The following SCYL2 variants were observed in gnomAD, a reference collection of about 807,000 sequenced individuals.
SCYL2 encodes the protein SCY1 like pseudokinase 2.
A neutral mutation model predicts 100.4 loss-of-function variants in SCYL2; 36 were observed. The observed-to-expected ratio is 0.36, with a 90% CI of 0.27 to 0.47. The LOEUF (loss-of-function observed/expected upper bound fraction) is 0.47. Ranked by LOEUF, SCYL2 falls within the 20% of genes least tolerant of loss-of-function variation. The probability of loss-of-function intolerance (pLI) is 1.00; values close to 1 mark genes in which losing one functional copy is unlikely to be tolerated. For synonymous variants in SCYL2, 330 were observed against 359.2 expected, an observed-to-expected ratio of 0.92 and a Z score of 0.92; for missense variants, 902 against 1,083.9, an observed-to-expected ratio of 0.83 and a Z score of 2.36.
At chr12:100,287,272 TTTGTTG>T (rs553036903) in intron 2 of SCYL2, among the ~76,000 whole-genome samples, 17 of 152,082 alleles carry the variant, frequency 1.1e-4, no homozygotes, top group African/African-American at 2.4e-4. Flanking sequence ...TTCTTTGGTT[TTTGTTG>T]TTGTTGTTGT....
intron 7 of SCYL2, 22 bp downstream of exon 7, chr12:100,313,560 C>A: frequency 7.6e-7 from 1 of 1,309,246 alleles, no homozygotes; most frequent in Non-Finnish European, 1.1e-6. Flanking sequence ...TGGATTTCTG[C>A]CTAAGATGGA....
chr12:100,337,431 A>G lies in SCYL2; in HGVS notation c.2070A>G (p.Gln690=). 1.2e-6 allele frequency: 2 copies of G among 1,607,814 alleles called. No individual in the cohort carries two copies. Among genetic ancestry groups the G allele is most frequent in the South Asian group, 1.1e-5 (1 of 89,262 alleles). ...AAAAACAAAAATTAGCAAAAGAACA[A>G]GAGCAGGCACAGAAGCTGAAAAGCC... ...LEEKQKLAKE[Q]EQAQKLKSQQ... is the part of the protein sequence containing the mutation. The change falls in exon 17 of 18, where the codon CAA becomes CAG. Residue 690 remains glutamine, a synonymous_variant. Transcript: ENST00000360820.
chr12:100,335,620 T>A lies in SCYL2; in HGVS notation c.1863-5T>A. 1 of 1,583,058 alleles carries A rather than the reference T, an allele frequency of 6.3e-7. No homozygotes were observed. The highest frequency in any genetic ancestry group is 8.6e-7 in the Non-Finnish European group (1 of 1,159,310). ...TTGTTTTATCATAATTCAACTCTCC[T>A]ACAGATCTTTGGATATAGGAAATCA... On this transcript the variant is annotated splice_region_variant and splice_polypyrimidine_tract_variant and intron_variant, in intron 14 of 17. Coordinates refer to ENST00000360820, the MANE Select transcript of SCYL2 (RefSeq NM_017988.6).
chr12:100,314,937 C>G (rs1592957123), intron 8 of SCYL2, among the ~76,000 whole-genome samples: 1 of 152,280 alleles, frequency 6.6e-6, no homozygotes, highest in Admixed American at 6.5e-5. Flanking sequence ...TTGATGTTAG[C>G]CTTTCCAATT....
intron 13 of SCYL2, among the ~76,000 whole-genome samples, chr12:100,332,480 C>T (rs554565367): frequency 1.3e-5 from 2 of 152,116 alleles, no homozygotes; most frequent in Non-Finnish European, 2.9e-5. Context: ...GTTTTCTGCA[C>T]AAACTACATT....
At chr12:100,273,945 T>C (rs539948712) in intron 1 of SCYL2, among the ~76,000 whole-genome samples, 51 of 152,330 alleles carry the variant, frequency 3.3e-4, no homozygotes, top group African/African-American at 1.1e-3. Flanking sequence ...TAGATATGTA[T>C]GGTTTTAAAT....
At position 100,267,260 on chromosome 12, in the gene SCYL2, C is replaced by T; in HGVS notation, c.-561C>T. 1.6e-6 allele frequency: 1 copy of T among 620,152 alleles called. No homozygotes were observed. Among genetic ancestry groups the T allele is most frequent in the South Asian group, 2.2e-5 (1 of 46,076 alleles). The allele number at this position is 620,152 out of a possible 1,614,324, so 38.4% of individuals were successfully genotyped here. ...CTTCTAGCTCCGACGTTTGCGGCCG[C>T]GGGGGCGGCGGAGGATATGGAGTAA... On this transcript the variant is annotated 5_prime_UTR_variant, in exon 1 of 18. Transcript: ENST00000360820.
chr12:100,313,593 A>G, intron 7 of SCYL2, 55 bp downstream of exon 7: 1 of 940,156 alleles, frequency 1.1e-6, no homozygotes, highest in Admixed American at 2.2e-5. Context: ...GAGTTGAAGT[A>G]GATTAAGTTT....
rs758295522 is a variant in SCYL2 at position 100,339,005 on chromosome 12, C to T, written c.2623C>T (p.Pro875Ser). 4 of 1,613,970 alleles carry T rather than the reference C, an allele frequency of 2.5e-6. No individual in the cohort carries two copies. In the East Asian group the frequency reaches 8.9e-5, roughly 36 times the overall value. Residue 875 changes from proline to serine, a missense_variant, in exon 18 of 18, where the codon CCA becomes TCA. Physicochemically the swap from Pro to Ser is moderately conservative, Grantham distance 74. Transcript: ENST00000360820. Reference sequence around the variant, plus strand: ...TCAGTTTGTACCTCCTCAAGGTTCTCCAACTATGGGCAGTTCAGTAATGGG... The same window carrying T: ...TCAGTTTGTACCTCCTCAAGGTTCTTCAACTATGGGCAGTTCAGTAATGGG... ...LNQFVPPQGS[P>S]TMGSSVMGTQ...
chr12:100,327,291 G>A, intron 12 of SCYL2: 1 of 234,044 alleles, frequency 4.3e-6, no homozygotes, highest in Non-Finnish European at 9.0e-6. Context: ...TATATTTTGT[G>A]GCTAAGTGAT....
intron 2 of SCYL2, among the ~76,000 whole-genome samples, chr12:100,288,979 T>C (rs1473672721): frequency 1.3e-5 from 2 of 152,082 alleles, no homozygotes; most frequent in Non-Finnish European, 2.9e-5. Context: ...AGTGCAAAGA[T>C]TACAGGCGTG....
rs1401844991 is a variant in SCYL2, at chr12:100,315,737, A to G, written c.1272+3A>G. ...TTAAGCAGCAGGAGCCAATCCAGGT[A>G]TGTTATAGATATTTTTGTGTATTTA... On this transcript the variant is annotated splice_donor_region_variant and intron_variant, in intron 9 of 17. Transcript: ENST00000360820. 7 of 1,592,962 alleles carry G rather than the reference A, an allele frequency of 4.4e-6. No homozygotes were observed. Among genetic ancestry groups the G allele is most frequent in the Non-Finnish European group, 5.1e-6 (6 of 1,170,330 alleles).
At position 100,328,340 on chromosome 12, in the gene SCYL2, C is replaced by A. The variant is rs1306871704; in HGVS notation, c.1643-861C>A. On this transcript the variant is annotated intron_variant, in intron 12 of 17. Transcript: ENST00000360820. ...AGAAATTTGAGCCCTGGCTCTAATC[C>A]TGGCTCTGTCAGTTCTTGAGGTGAC... 2.6e-5 allele frequency among the ~76,000 whole-genome samples: 4 copies of A among 152,264 alleles called. No individual in the cohort carries two copies. In the East Asian group the frequency reaches 7.7e-4, roughly 29 times the overall value.
intron 4 of SCYL2, among the ~76,000 whole-genome samples, chr12:100,305,883 T>C (rs947342191): frequency 2.0e-5 from 3 of 152,082 alleles, no homozygotes; most frequent in Non-Finnish European, 1.5e-5. Flanking sequence ...AATCCTTCTA[T>C]GCAAATAAAC....
intron 1 of SCYL2, among the ~76,000 whole-genome samples, chr12:100,268,720 C>T (rs1447670079): frequency 1.3e-5 from 2 of 152,130 alleles, no homozygotes; most frequent in Non-Finnish European, 2.9e-5. Context: ...CTGGGAATAA[C>T]TACTCATATT....
chr12:100,334,438 T>C (rs998271821), intron 14 of SCYL2, among the ~76,000 whole-genome samples, 172 bp downstream of exon 14: 1 of 152,106 alleles, frequency 6.6e-6, no homozygotes, highest in Non-Finnish European at 1.5e-5. Context: ...TAAAATAGAA[T>C]GTGGTTGAAA....
chr12:100,322,535 T>C (rs1045987410), intron 10 of SCYL2, among the ~76,000 whole-genome samples: 1 of 152,106 alleles, frequency 6.6e-6, no homozygotes, highest in South Asian at 2.1e-4. Context: ...GGTGAGAGGA[T>C]TGCTTGAGCT....
chr12:100,317,989 T>G, intron 10 of SCYL2, 64 bp downstream of exon 10: 1 of 1,447,502 alleles, frequency 6.9e-7, no homozygotes, highest in East Asian at 2.4e-5. Context: ...AGAAGAGGTA[T>G]AAAGTACATT....
chr12:100,320,243 T>C (rs527546061), intron 10 of SCYL2, among the ~76,000 whole-genome samples: 108 of 152,174 alleles, frequency 7.1e-4, no homozygotes, highest in Middle Eastern at 6.8e-3. Context: ...ATCCCGGCTG[T>C]TATTAAGTTC....
Sources: allele counts gnomAD v4.1 joint callset (sites outside exome capture counted in the v4.1 genomes callset), GRCh38; gene constraint gnomAD v4.1.1; transcripts MANE v1.5; gene names NCBI Gene and HGNC (gene_info 2026-07-23, HGNC 2026-07-21).